The following ACTN1 variants were observed in gnomAD, a reference collection of about 807,000 sequenced individuals.
ACTN1 encodes the protein alpha-actinin-1.
Under a neutral mutation model 119.6 loss-of-function variants are expected in ACTN1, and 30 were observed. The observed-to-expected ratio is 0.25, with a 90% CI of 0.19 to 0.34. The LOEUF (loss-of-function observed/expected upper bound fraction) is 0.34. ACTN1 is among the 10% of genes least tolerant of loss of function. ACTN1 has a pLI of 1.00. For synonymous variants in ACTN1, 429 were observed against 472.6 expected (o/e 0.91, Z 1.20); for missense variants, 764 against 1,223.4 (o/e 0.62, Z 5.60).
intron 8 of ACTN1, among the ~76,000 whole-genome samples, chr14:68,899,578 A>G (rs1031574963): frequency 2.6e-5 from 4 of 151,604 alleles, no homozygotes; most frequent in Non-Finnish European, 4.4e-5. Flanking sequence ...CACACCATAC[A>G]TACCTCAAAC....
chr14:68,918,201 C>A (rs545026672), intron 3 of ACTN1, among the ~76,000 whole-genome samples: 2 of 152,348 alleles, frequency 1.3e-5, no homozygotes, highest in Non-Finnish European at 2.9e-5. Context: ...TGAGAGTTCA[C>A]GCCAGTGTTC....
At chr14:68,940,080 CTCCCCGG>C (rs1028122564) in intron 1 of ACTN1, among the ~76,000 whole-genome samples, 1 of 152,236 alleles carries the variant, frequency 6.6e-6, no homozygotes, top group African/African-American at 2.4e-5. Flanking sequence ...GAACAGCCTC[CTCCCCGG>C]TCCTCCGGGG....
At chr14:68,906,106 T>C (rs1345579765) in intron 6 of ACTN1, among the ~76,000 whole-genome samples, 1 of 151,908 alleles carries the variant, frequency 6.6e-6, no homozygotes, top group Non-Finnish European at 1.5e-5. Context: ...TACCGTTTAA[T>C]GGGTACAGAC....
In ACTN1 at chr14:68,950,294, C is replaced by CA. The variant is rs60899029; in HGVS notation, c.106-24623dup. ...TGGGTGACAGAGTGAGTTGTTGTCTCAAAAAAAAAAAAAAAAAAAAAAAAA... is the reference window on the plus strand; with the variant it reads ...TGGGTGACAGAGTGAGTTGTTGTCTCAAAAAAAAAAAAAAAAAAAAAAAAAA... On this transcript the variant is annotated intron_variant, in intron 1 of 21. Transcript: ENST00000394419. 2.8e-3 allele frequency among the ~76,000 whole-genome samples: 338 copies of CA among 121,480 alleles called. 3 individuals are homozygous for CA. The highest frequency in any genetic ancestry group is 4.8e-3 in the South Asian group (20 of 4,190). The allele number at this position is 121,480 out of a possible 152,430, so 79.7% of individuals were successfully genotyped here. A position where few individuals can be genotyped will look rare whatever the true frequency, so the allele number is the denominator to read the frequency against.
intron 1 of ACTN1, among the ~76,000 whole-genome samples, chr14:68,934,970 T>G (rs909616104): frequency 2.0e-5 from 3 of 152,126 alleles, no homozygotes; most frequent in African/African-American, 4.8e-5. Context: ...CTGAACTGAT[T>G]AGGATTTTTT....
At chr14:68,950,549 C>T (rs974567834) in intron 1 of ACTN1, among the ~76,000 whole-genome samples, 5 of 149,422 alleles carry the variant, frequency 3.3e-5, no homozygotes, top group African/African-American at 1.3e-4. Context: ...TTTTATTTTA[C>T]CACAAGCATG....
At chr14:68,948,314 C>A (rs1328419374) in intron 1 of ACTN1, among the ~76,000 whole-genome samples, 1 of 152,220 alleles carries the variant, frequency 6.6e-6, no homozygotes, top group Admixed American at 6.5e-5. Context: ...GGTGGGCTCA[C>A]GCCTATAATC....
chr14:68,951,473 T>C (rs1242628598), intron 1 of ACTN1, among the ~76,000 whole-genome samples: 1 of 151,994 alleles, frequency 6.6e-6, no homozygotes, highest in Non-Finnish European at 1.5e-5. Context: ...TAACCTCAAC[T>C]CCCAACATAA....
rs139268776 is a variant in ACTN1, at chr14:68,944,859, G to A, written c.106-19187C>T. Among the ~76,000 whole-genome samples the A allele has an allele frequency of 2.8e-3, 426 of 152,052 alleles. 3 individuals are homozygous for A. The highest frequency in any genetic ancestry group is 7.9e-3 in the Admixed American group (120 of 15,280). Reference sequence around the variant, plus strand: ...GGCAGAGCTGTAGGTCACCCTACACGTGTGTGGGGCGGGTAGCTGTAGGTC... The same window carrying A: ...GGCAGAGCTGTAGGTCACCCTACACATGTGTGGGGCGGGTAGCTGTAGGTC... On this transcript the variant is annotated intron_variant, in intron 1 of 21. Transcript: ENST00000394419.
intron 1 of ACTN1, among the ~76,000 whole-genome samples, chr14:68,960,245 A>G (rs1216488607): frequency 6.6e-6 from 1 of 152,172 alleles, no homozygotes; most frequent in East Asian, 1.9e-4. Context: ...ATGAAAAAAA[A>G]TCTTGTAAGT....
chr14:68,888,261 A>C lies in ACTN1; in HGVS notation c.1234+1878T>G, dbSNP rs547195244. Reference sequence around the variant, plus strand: ...TAGTAAAATTGGTAGAACTGAATACATGTGGCCAAACTGCTTTCCCCAGAG... The same window carrying C: ...TAGTAAAATTGGTAGAACTGAATACCTGTGGCCAAACTGCTTTCCCCAGAG... On this transcript the variant is annotated intron_variant, in intron 11 of 21. Transcript: ENST00000394419. 8.6e-5 allele frequency: 29 copies of C among 338,700 alleles called. No individual in the cohort carries two copies. In the East Asian group the frequency reaches 2.0e-3, roughly 23 times the overall value. 21.0% of individuals were successfully genotyped at this position (338,700 alleles called of 1,614,324 possible).
At chr14:68,949,603 G>C (rs543622145) in intron 1 of ACTN1, among the ~76,000 whole-genome samples, 1 of 152,158 alleles carries the variant, frequency 6.6e-6, no homozygotes. Flanking sequence ...TACTTTCTGA[G>C]CATATACACA....
intron 1 of ACTN1, among the ~76,000 whole-genome samples, chr14:68,933,097 G>A (rs1334783343): frequency 6.6e-6 from 1 of 152,104 alleles, no homozygotes; most frequent in Non-Finnish European, 1.5e-5. Flanking sequence ...GAGGGGTCAA[G>A]TGTAGGACAA....
At chr14:68,955,507 C>T (rs747765932) in intron 1 of ACTN1, among the ~76,000 whole-genome samples, 3 of 152,160 alleles carry the variant, frequency 2.0e-5, no homozygotes, top group Non-Finnish European at 4.4e-5. Flanking sequence ...GAGGTCACTC[C>T]GGTGGGCCAA....
At position 68,918,792 on chromosome 14, in the gene ACTN1, G is replaced by A. The variant is rs1222482350; in HGVS notation, c.340+2214C>T. Among the ~76,000 whole-genome samples the A allele has an allele frequency of 7.9e-5, 12 of 151,492 alleles. No individual in the cohort carries two copies. In the South Asian group the frequency reaches 8.3e-4, roughly 10 times the overall value. On this transcript the variant is annotated intron_variant, in intron 3 of 21. Transcript: ENST00000394419. Reference sequence around the variant, plus strand: ...CTCTGACTGGGGAGGCAGCACTGCCGACAGTAACAGGAAGAGGAAGGCCTC... The same window carrying A: ...CTCTGACTGGGGAGGCAGCACTGCCAACAGTAACAGGAAGAGGAAGGCCTC...
In ACTN1 at chr14:68,882,337, T is replaced by C. The variant is rs181464; in HGVS notation, c.1953+121A>G. 0.44 allele frequency: 602,783 copies of C among 1,366,936 alleles called. 139,476 individuals carry two copies. Among genetic ancestry groups the C allele is most frequent in the African/African-American group, 0.78 (54,101 of 69,474 alleles). 84.7% of individuals were successfully genotyped at this position (1,366,936 alleles called of 1,614,324 possible). On this transcript the variant is annotated intron_variant, in intron 16 of 21. Coordinates refer to ENST00000394419, the MANE Select transcript of ACTN1 (RefSeq NM_001130004.2). The surrounding 1 kb of genome is among the most constrained non-coding windows in gnomAD (Gnocchi z 4.5). ...CTTCTACAGAACAGCAGACCCACGG[T>C]GGGCTCCGGGCCTCAGTCCTCCATG...
chr14:68,902,761 C>T (rs1326866780), intron 7 of ACTN1, among the ~76,000 whole-genome samples, 199 bp from the exon 8 acceptor site: 3 of 152,142 alleles, frequency 2.0e-5, no homozygotes, highest in Non-Finnish European at 2.9e-5. Flanking sequence ...CCAAAGGAGG[C>T]GGACAAACCC....
At chr14:68,895,386 AG>A (rs2032798527) in intron 8 of ACTN1, among the ~76,000 whole-genome samples, 2 of 152,310 alleles carry the variant, frequency 1.3e-5, no homozygotes, top group Non-Finnish European at 2.9e-5. Flanking sequence ...AGCAACGAAG[AG>A]GGAAATGCTT....
intron 1 of ACTN1, among the ~76,000 whole-genome samples, chr14:68,952,539 G>A (rs1265030894): frequency 2.6e-5 from 4 of 152,288 alleles, no homozygotes; most frequent in South Asian, 2.1e-4. Flanking sequence ...TGAGAAGGAA[G>A]GTAGATATGT....
Sources: gnomAD v4.1 joint callset for allele counts (sites outside exome capture counted in the v4.1 genomes callset) on GRCh38, gnomAD v4.1.1 for gene constraint, Gnocchi (gnomAD v3.1) non-coding constraint, MANE v1.5 for transcripts, NCBI Gene and HGNC (gene_info 2026-07-23, HGNC 2026-07-21) for gene names.